The following TSHZ3 variants were observed in gnomAD, a reference collection of about 807,000 sequenced individuals.
The protein encoded by TSHZ3 is teashirt zinc finger homeobox 3.
TSHZ3 carries 10 observed loss-of-function variants against 64.5 expected under a neutral mutation model. The ratio of observed to expected loss-of-function variants is 0.16; its 90% CI spans 0.10 to 0.26. TSHZ3 has a LOEUF of 0.26. Among genes scored for constraint, TSHZ3 ranks in the 10% least tolerant of loss-of-function variants. The pLI, the probability that TSHZ3 is intolerant of heterozygous loss-of-function variation, is 1.00. For synonymous variants in TSHZ3, 608 were observed against 593.1 expected, an observed-to-expected ratio of 1.03 and a Z score of -0.36; for missense variants, 1,242 against 1,421.7, an observed-to-expected ratio of 0.87 and a Z score of 2.03.
At chr19:31,193,436 C>T (rs1052408527) in intron 5 of TSHZ3, among the ~76,000 whole-genome samples, 12 of 152,134 alleles carry the variant, frequency 7.9e-5, no homozygotes, top group Admixed American at 6.5e-5. Context: ...AGGGAACAAT[C>T]TCAAAAGACT....
intron 5 of TSHZ3, among the ~76,000 whole-genome samples, chr19:31,168,629 A>G (rs1009525975): frequency 6.6e-6 from 1 of 152,228 alleles, no homozygotes; most frequent in Non-Finnish European, 1.5e-5. Context: ...TTCCACCAGC[A>G]AGCTCAACGT....
intron 1 of TSHZ3, among the ~76,000 whole-genome samples, chr19:31,326,997 G>A (rs1457413251): frequency 6.6e-6 from 1 of 152,160 alleles, no homozygotes; most frequent in Non-Finnish European, 1.5e-5. Context: ...ATCCTGGAGA[G>A]AAGTGAGCAG....
intron 4 of TSHZ3, among the ~76,000 whole-genome samples, chr19:31,214,776 C>T (rs933974505): frequency 6.6e-6 from 1 of 151,774 alleles, no homozygotes; most frequent in Non-Finnish European, 1.5e-5. Context: ...GGCGTGGTGG[C>T]GGGCGCCTGT....
chr19:31,291,010 A>G (rs1428817713), intron 1 of TSHZ3, among the ~76,000 whole-genome samples: 2 of 152,274 alleles, frequency 1.3e-5, no homozygotes, highest in African/African-American at 4.8e-5. Flanking sequence ...TTTCATCCCA[A>G]GAAAAGCATG....
chr19:31,308,763 G>GTGTCTGTGTCT, intron 1 of TSHZ3: 1 of 398,474 alleles, frequency 2.5e-6, no homozygotes, highest in South Asian at 1.3e-4. Flanking sequence ...CTGAAATCCT[G>GTGTCTGTGTCT]GCTGTGTCTG....
chr19:31,193,326 C>A (rs1236808570), intron 5 of TSHZ3, among the ~76,000 whole-genome samples: 1 of 152,116 alleles, frequency 6.6e-6, no homozygotes, highest in Non-Finnish European at 1.5e-5. Flanking sequence ...TAACAAATAT[C>A]CAACTCCATC....
intron 5 of TSHZ3, among the ~76,000 whole-genome samples, chr19:31,192,265 G>A (rs945694356): frequency 1.3e-5 from 2 of 152,170 alleles, no homozygotes; most frequent in Non-Finnish European, 2.9e-5. Context: ...TTTAGAAGAA[G>A]AATAACAACT....
At chr19:31,327,507 T>C (rs1282688616) in intron 1 of TSHZ3, among the ~76,000 whole-genome samples, 2 of 152,270 alleles carry the variant, frequency 1.3e-5, no homozygotes, top group Middle Eastern at 3.2e-3. Context: ...TTCTGCTTTA[T>C]TCTTGAAAAC....
intron 1 of TSHZ3, among the ~76,000 whole-genome samples, chr19:31,331,011 C>T (rs1275434704): frequency 6.6e-6 from 1 of 152,172 alleles, no homozygotes; most frequent in East Asian, 1.9e-4. Flanking sequence ...AGACGGGCTT[C>T]CTAAAATCTC....
chr19:31,172,278 A>G lies in TSHZ3; in HGVS notation n.810-15861T>C, dbSNP rs1974546418. On this transcript the variant is annotated intron_variant and non_coding_transcript_variant, in intron 5 of 6. Transcript: ENST00000651361. ...ATCCTCTCTATGCCTCAATGTGCTC[A>G]TCTGTAAAATGGGGGCGATAACACT... Among the ~76,000 whole-genome samples the G allele has an allele frequency of 3.9e-5, 6 of 152,216 alleles. No homozygotes were observed. The South Asian group carries it at 1.2e-3, about 32-fold the overall frequency.
intron 4 of TSHZ3, among the ~76,000 whole-genome samples, chr19:31,208,302 C>T (rs1184141048): frequency 2.0e-5 from 3 of 152,204 alleles, no homozygotes; most frequent in Non-Finnish European, 4.4e-5. Flanking sequence ...TCTCTTTGGG[C>T]ATCCTGCTGG....
At position 31,279,250 on chromosome 19, in the gene TSHZ3, C is replaced by G; in HGVS notation, c.543G>C (p.Gln181His). ...GGCTGGGCTCCGGGAGCATGCGGCT[C>G]TGTGACACCTGCTGCAGCGTCTTAG... ...AMAKTLQQVS[Q>H]SRMLPEPSLF... The change falls in exon 2 of 2, where the codon CAG becomes CAC. Residue 181 changes from glutamine (Q) to histidine (H), a missense_variant. By Grantham distance (24) the Gln-to-His change is conservative. This residue lies in a region of TSHZ3 where 555 missense variants were observed against 704.0 expected (regional missense o/e 0.79). Coordinates refer to ENST00000240587, the MANE Select transcript of TSHZ3 (RefSeq NM_020856.4). The surrounding 1 kb of genome is among the most constrained non-coding windows in gnomAD (Gnocchi z 6.4). 6.2e-7 allele frequency: 1 copy of G among 1,614,160 alleles called. No individual in the cohort carries two copies.
Position 31,213,011 on chromosome 19 carries a change from A to G in TSHZ3, n.687-7933T>C, listed in dbSNP as rs571381231. On this transcript the variant is annotated intron_variant and non_coding_transcript_variant, in intron 4 of 6. Coordinates refer to the TSHZ3 transcript ENST00000651361. ...AGAAGCCAGTGTGAAAAGGCTATAT[A>G]TGGTACAATTTCAACCATACGACAT... Among the ~76,000 whole-genome samples the G allele has an allele frequency of 2.0e-5, 3 of 152,228 alleles. No individual in the cohort carries two copies. In the East Asian group the frequency reaches 5.8e-4, roughly 30 times the overall value.
chr19:31,164,440 G>C (rs116240222), intron 5 of TSHZ3, among the ~76,000 whole-genome samples: 1,844 of 152,274 alleles, frequency 0.012, 45 homozygotes, highest in African/African-American at 0.042. Flanking sequence ...GTTAGACACT[G>C]TTCTAAATAT....
intron 3 of TSHZ3, among the ~76,000 whole-genome samples, chr19:31,238,719 C>T (rs1975652775): frequency 6.6e-6 from 1 of 152,174 alleles, no homozygotes; most frequent in African/African-American, 2.4e-5. Context: ...AGCTTTCTTA[C>T]TCTTATTGTT....
intron 1 of TSHZ3, among the ~76,000 whole-genome samples, chr19:31,336,684 A>G (rs145767984): frequency 6.6e-6 from 1 of 152,296 alleles, no homozygotes; most frequent in Non-Finnish European, 1.5e-5. Context: ...GGAAGAGCCA[A>G]GAATGTGGGC....
chr19:31,287,943 T>C (rs1294106556), intron 1 of TSHZ3, among the ~76,000 whole-genome samples: 1 of 152,064 alleles, frequency 6.6e-6, no homozygotes, highest in Non-Finnish European at 1.5e-5. Flanking sequence ...TTTCTTTTTC[T>C]GTTTTTTTTG....
chr19:31,264,906 C>A (rs1403187872), intron 1 of TSHZ3, among the ~76,000 whole-genome samples: 1 of 152,136 alleles, frequency 6.6e-6, no homozygotes, highest in African/African-American at 2.4e-5. Flanking sequence ...TATAGGAAGT[C>A]ATGATCAAAA....
At chr19:31,324,943 C>T (rs1431881968) in intron 1 of TSHZ3, among the ~76,000 whole-genome samples, 1 of 152,196 alleles carries the variant, frequency 6.6e-6, no homozygotes, top group East Asian at 1.9e-4. Flanking sequence ...ATACGTTTTA[C>T]TACAATGCCA....
Sources: gnomAD v4.1 joint callset for allele counts (sites outside exome capture counted in the v4.1 genomes callset) on GRCh38, gnomAD v4.1.1 for gene constraint, gnomAD v4.1.1 regional missense constraint, Gnocchi (gnomAD v3.1) non-coding constraint, MANE v1.5 for transcripts, NCBI Gene and HGNC (gene_info 2026-07-23, HGNC 2026-07-21) for gene names.